LRRFIP1: variants seen among roughly 807,000 people sequenced by gnomAD.
The protein encoded by LRRFIP1 is LRR binding FLII interacting protein 1.
In LRRFIP1, 62 loss-of-function variants were observed where a neutral mutation model predicts 104.4. The observed-to-expected ratio is 0.59, with a 90% CI of 0.48 to 0.73. LRRFIP1 has a LOEUF of 0.73. LRRFIP1 is among the 30% of genes least tolerant of loss of function. The pLI, the probability that LRRFIP1 is intolerant of heterozygous loss-of-function variation, is 0.00. For synonymous variants in LRRFIP1, 300 were observed against 299.0 expected (o/e 1.00, Z -0.03); for missense variants, 796 against 824.5 (o/e 0.97, Z 0.42).
chr2:237,730,935 A>G (rs560836749), intron 8 of LRRFIP1, among the ~76,000 whole-genome samples: 99 of 152,186 alleles, frequency 6.5e-4, no homozygotes, highest in African/African-American at 2.3e-3. Flanking sequence ...CAAACAAACA[A>G]ACAAACAAAC....
chr2:237,750,411 A>G (rs1313184489), intron 13 of LRRFIP1, among the ~76,000 whole-genome samples: 2 of 131,814 alleles, frequency 1.5e-5, no homozygotes, highest in East Asian at 4.4e-4. Context: ...ATCTCGGCTC[A>G]CTGCAACCTC....
At chr2:237,764,871 A>G in intron 19 of LRRFIP1, 1 of 985,630 alleles carries the variant, frequency 1.0e-6, no homozygotes, top group Non-Finnish European at 1.2e-6. Context: ...ATGATGTATC[A>G]AATTCATTTT....
At chr2:237,632,055 G>A (rs1456001698) in intron 1 of LRRFIP1, among the ~76,000 whole-genome samples, 1 of 152,200 alleles carries the variant, frequency 6.6e-6, no homozygotes, top group Non-Finnish European at 1.5e-5. Context: ...GGTGCTGTTG[G>A]TTCAGGCCTC....
Position 237,769,739 on chromosome 2 carries a change from GC to G in LRRFIP1, c.1460-203del. On this transcript the variant is annotated intron_variant, in intron 19 of 23. Transcript: ENST00000308482. Reference sequence around the variant, plus strand: ...AGCCGGATGCTGCCCCTGACGTGAAGCATGTTCTGGGAGGTTGACCCAACCT... The same window carrying G: ...AGCCGGATGCTGCCCCTGACGTGAAGATGTTCTGGGAGGTTGACCCAACCT... The G allele has an allele frequency of 7.2e-6, 4 of 557,918 alleles. No homozygotes were observed. In the South Asian group the frequency reaches 9.0e-5, roughly 13 times the overall value. 34.6% of individuals were successfully genotyped at this position (557,918 alleles called of 1,614,324 possible).
intron 1 of LRRFIP1, among the ~76,000 whole-genome samples, chr2:237,662,881 G>T (rs2088307946): frequency 6.6e-6 from 1 of 152,038 alleles, no homozygotes; most frequent in Non-Finnish European, 1.5e-5. Flanking sequence ...TGCCATGACG[G>T]CACCCAGGCA....
chr2:237,689,870 C>T (rs988165863), intron 1 of LRRFIP1, among the ~76,000 whole-genome samples: 4 of 152,204 alleles, frequency 2.6e-5, no homozygotes, highest in African/African-American at 7.2e-5. Flanking sequence ...GCAGCTCACC[C>T]TGACTGTGCC....
In LRRFIP1 at chr2:237,779,754, C is replaced by T. The variant is rs1448368089; in HGVS notation, c.*222C>T. The T allele has an allele frequency of 1.2e-5, 5 of 432,300 alleles. No individual in the cohort carries two copies. Among genetic ancestry groups the T allele is most frequent in the East Asian group, 4.3e-5 (1 of 23,016 alleles). The allele number at this position is 432,300 out of a possible 1,614,324, so 26.8% of individuals were successfully genotyped here. On this transcript the variant is annotated 3_prime_UTR_variant, in exon 24 of 24. Transcript: ENST00000308482. ...GACCCCTGGCCCGGGCTGGCGCCGA[C>T]GCTCAGAACCTGCAGGTACTTCATA...
At chr2:237,729,172 G>A (rs45500096) in intron 8 of LRRFIP1, among the ~76,000 whole-genome samples, 1,987 of 152,254 alleles carry the variant, frequency 0.013, 23 homozygotes, top group Middle Eastern at 0.031. Context: ...GGTGATCTGC[G>A]CACCTCGGCC....
chr2:237,749,095 C>A, intron 12 of LRRFIP1, 104 bp from the exon 13 acceptor site: 1 of 1,228,542 alleles, frequency 8.1e-7, no homozygotes, highest in South Asian at 1.4e-5. Flanking sequence ...CCACCAGGGC[C>A]GTCCCTCATC....
At chr2:237,678,763 C>G (rs1254601920) in intron 1 of LRRFIP1, among the ~76,000 whole-genome samples, 2 of 152,118 alleles carry the variant, frequency 1.3e-5, no homozygotes, top group African/African-American at 4.8e-5. Context: ...CTGCCGTAGC[C>G]TCCAAAAGTG....
chr2:237,671,715 CT>C (rs2149548105), intron 1 of LRRFIP1, among the ~76,000 whole-genome samples: 1 of 152,008 alleles, frequency 6.6e-6, no homozygotes, highest in East Asian at 1.9e-4. Flanking sequence ...AGGGCCACCA[CT>C]CATAGACAGC....
At chr2:237,709,484 TTG>T in intron 2 of LRRFIP1, among the ~76,000 whole-genome samples, 1 of 152,228 alleles carries the variant, frequency 6.6e-6, no homozygotes, top group East Asian at 1.9e-4. Context: ...AATACACAGG[TTG>T]TTGTTTGGCT....
chr2:237,644,056 A>G (rs1446140843), intron 1 of LRRFIP1, among the ~76,000 whole-genome samples: 3 of 152,112 alleles, frequency 2.0e-5, no homozygotes. Flanking sequence ...CCCTCTTTCC[A>G]GTTCCTTGTT....
At chr2:237,705,865 G>A (rs934749468) in intron 1 of LRRFIP1, among the ~76,000 whole-genome samples, 1 of 152,210 alleles carries the variant, frequency 6.6e-6, no homozygotes, top group East Asian at 1.9e-4. Flanking sequence ...TCAGCCAGGG[G>A]CTGCTCTCAG....
At chr2:237,709,719 T>C (rs936928302) in intron 2 of LRRFIP1, among the ~76,000 whole-genome samples, 2 of 152,182 alleles carry the variant, frequency 1.3e-5, no homozygotes, top group African/African-American at 4.8e-5. Flanking sequence ...GAAACCTGCA[T>C]GCAGAGGCTA....
At chr2:237,644,586 C>A (rs1006729800) in intron 1 of LRRFIP1, among the ~76,000 whole-genome samples, 1 of 152,150 alleles carries the variant, frequency 6.6e-6, no homozygotes, top group African/African-American at 2.4e-5. Flanking sequence ...GTTGGTGATG[C>A]GTTTTGTGAA....
chr2:237,710,766 T>C (rs1316086456), intron 2 of LRRFIP1, among the ~76,000 whole-genome samples: 1 of 152,190 alleles, frequency 6.6e-6, no homozygotes, highest in African/African-American at 2.4e-5. Context: ...TGGCCCCCTT[T>C]AAAAGCAAAG....
At chr2:237,684,049 G>A (rs2092112434) in intron 1 of LRRFIP1, among the ~76,000 whole-genome samples, 1 of 152,134 alleles carries the variant, frequency 6.6e-6, no homozygotes, top group Admixed American at 6.5e-5. Context: ...TCATGGCTCT[G>A]ACTGTCAGGA....
At chr2:237,776,575 CT>C (rs1284144034) in intron 23 of LRRFIP1, among the ~76,000 whole-genome samples, 1 of 152,100 alleles carries the variant, frequency 6.6e-6, no homozygotes, top group Non-Finnish European at 1.5e-5. Context: ...CCTATTTCTC[CT>C]ATATATGTTG....
Sources: allele counts gnomAD v4.1 joint callset (sites outside exome capture counted in the v4.1 genomes callset), GRCh38; gene constraint gnomAD v4.1.1; transcripts MANE v1.5; gene names NCBI Gene and HGNC (gene_info 2026-07-23, HGNC 2026-07-21).